Variants in PCDHAC2 observed in about 807,000 individuals in gnomAD.
The protein encoded by PCDHAC2 is protocadherin alpha-C2.
In PCDHAC2, 24 loss-of-function variants were observed where a neutral mutation model predicts 63.3. That is an observed-to-expected ratio of 0.38 (90% confidence interval 0.27 to 0.53). The LOEUF (loss-of-function observed/expected upper bound fraction) is 0.53. Among genes scored for constraint, PCDHAC2 ranks in the 20% least tolerant of loss-of-function variants. PCDHAC2 has a pLI of 0.81. For synonymous variants in PCDHAC2, 569 were observed against 529.4 expected (o/e 1.07, Z -1.03); for missense variants, 1,181 against 1,275.2 (o/e 0.93, Z 1.12).
intron 3 of PCDHAC2, among the ~76,000 whole-genome samples, chr5:140,989,624 G>C (rs527255277): frequency 6.6e-6 from 1 of 152,208 alleles, no homozygotes; most frequent in Non-Finnish European, 1.5e-5. Context: ...GTCTGTCCTA[G>C]TGACAGCAAG....
At position 141,011,769 on chromosome 5, in the gene PCDHAC2, A is replaced by C. The variant is rs2098421803; in HGVS notation, c.*1832A>C. 1 of 153,794 alleles carries C rather than the reference A, an allele frequency of 6.5e-6. No homozygotes were observed. The highest frequency in any genetic ancestry group is 1.5e-5 in the Non-Finnish European group (1 of 68,040). 9.5% of individuals were successfully genotyped at this position (153,794 alleles called of 1,614,324 possible). On this transcript the variant is annotated 3_prime_UTR_variant, in exon 4 of 4. Coordinates refer to ENST00000289269, the MANE Select transcript of PCDHAC2 (RefSeq NM_018899.6). ...AATCTGACCTCTTTGAAGTTGCAGA[A>C]TGCTTTGAAATTCTAATGGTATCTG... is the stretch of plus-strand genomic sequence containing the variant.
intron 1 of PCDHAC2, among the ~76,000 whole-genome samples, chr5:140,975,386 G>A (rs2096665314): frequency 6.6e-6 from 1 of 152,252 alleles, no homozygotes; most frequent in Admixed American, 6.5e-5. Flanking sequence ...ATGGGAATAA[G>A]ATCCATCACA....
In PCDHAC2 at chr5:140,966,581, G is replaced by A; in HGVS notation, c.-186G>A. 1.9e-6 allele frequency: 1 copy of A among 535,414 alleles called. No homozygotes were observed. The highest frequency in any genetic ancestry group is 3.0e-6 in the Non-Finnish European group (1 of 330,204). The allele number at this position is 535,414 out of a possible 1,614,324, so 33.2% of individuals were successfully genotyped here. On this transcript the variant is annotated 5_prime_UTR_variant, in exon 1 of 4. Coordinates refer to ENST00000289269, the MANE Select transcript of PCDHAC2 (RefSeq NM_018899.6). ...AGCTGGAATATGGGGAGTCAGCGAG[G>A]ACGGTGGGGCCAGGAGCCCTTGGGA...
chr5:140,968,904 G>A lies in PCDHAC2; in HGVS notation c.2138G>A (p.Ser713Asn), dbSNP rs1554231223. Residue 713 changes from serine to asparagine, a missense_variant, in exon 1 of 4, where the codon AGC (serine) becomes AAC (asparagine). Physicochemically the swap from Ser to Asn is conservative, Grantham distance 46. Transcript: ENST00000289269. ...EITLYLIIAL[S>N]TVSFIFLLTI... The stretch of plus-strand genomic sequence containing the variant: ...ACCCTTTATCTAATAATAGCATTAA[G>A]CACAGTGTCTTTTATATTTCTTTTG... The A allele has an allele frequency of 6.2e-7, 1 of 1,614,058 alleles. No individual in the cohort carries two copies. The highest frequency in any genetic ancestry group is 8.5e-7 in the Non-Finnish European group (1 of 1,180,032).
At chr5:140,990,705 G>A (rs2097408066) in intron 3 of PCDHAC2, among the ~76,000 whole-genome samples, 1 of 152,132 alleles carries the variant, frequency 6.6e-6, no homozygotes, top group Non-Finnish European at 1.5e-5. Flanking sequence ...AGATTTATGG[G>A]GATAAGAGCA....
chr5:140,996,737 T>G (rs887382236), intron 3 of PCDHAC2, among the ~76,000 whole-genome samples: 3 of 152,166 alleles, frequency 2.0e-5, no homozygotes, highest in Non-Finnish European at 2.9e-5. Context: ...ACAAAAGTCA[T>G]AACAAATTAT....
chr5:141,005,489 G>A (rs1336877426), intron 3 of PCDHAC2, among the ~76,000 whole-genome samples: 3 of 151,788 alleles, frequency 2.0e-5, no homozygotes, highest in Non-Finnish European at 4.4e-5. Context: ...GGATCATGAG[G>A]TCAGGAGATC....
chr5:140,979,405 C>A (rs2096849045), intron 2 of PCDHAC2, among the ~76,000 whole-genome samples: 1 of 151,828 alleles, frequency 6.6e-6, no homozygotes, highest in Non-Finnish European at 1.5e-5. Flanking sequence ...TGTTGTCTAC[C>A]TTGTTTTTTT....
At chr5:140,976,523 C>T in intron 1 of PCDHAC2, among the ~76,000 whole-genome samples, 1 of 151,724 alleles carries the variant, frequency 6.6e-6, no homozygotes. Flanking sequence ...TGCACACCAG[C>T]CTAAATGACA....
chr5:140,969,424 G>A (rs1554231783), intron 1 of PCDHAC2, 93 bp downstream of exon 1: 1 of 1,558,342 alleles, frequency 6.4e-7, no homozygotes, highest in South Asian at 1.2e-5. Context: ...GTCATTAACA[G>A]TGACAAGAGT....
intron 3 of PCDHAC2, among the ~76,000 whole-genome samples, chr5:140,987,154 C>T (rs1404083891): frequency 6.6e-6 from 1 of 150,704 alleles, no homozygotes; most frequent in Non-Finnish European, 1.5e-5. Flanking sequence ...GTGGAGGTTG[C>T]AGTGAGCTGA....
At chr5:141,007,395 C>CAAAAA (rs35800918) in intron 3 of PCDHAC2, among the ~76,000 whole-genome samples, 20 of 94,830 alleles carry the variant, frequency 2.1e-4, no homozygotes, top group South Asian at 3.5e-4. Context: ...TACTAAAATA[C>CAAAAA]AAAAAAAAAA....
chr5:140,969,585 T>A (rs2096344806), intron 1 of PCDHAC2: 1 of 896,450 alleles, frequency 1.1e-6, no homozygotes, highest in Admixed American at 3.0e-5. Flanking sequence ...TGAGGATTAG[T>A]CTTAATATTT....
Position 140,966,719 on chromosome 5 carries a change from G to A in PCDHAC2, c.-48G>A, listed in dbSNP as rs373995406. On this transcript the variant is annotated 5_prime_UTR_variant, in exon 1 of 4. Coordinates refer to ENST00000289269, the MANE Select transcript of PCDHAC2 (RefSeq NM_018899.6). ...CCGGGCGTGGGGCACGGCTGGGGAA[G>A]CTGCCGCCTCCGGCCCTGCCCGGCT... 7.2e-6 allele frequency: 10 copies of A among 1,395,512 alleles called. No individual in the cohort carries two copies. The East Asian group carries it at 1.1e-4, about 16-fold the overall frequency. 86.4% of individuals were successfully genotyped at this position (1,395,512 alleles called of 1,614,324 possible).
chr5:140,975,679 A>G (rs1312259048), intron 1 of PCDHAC2, among the ~76,000 whole-genome samples: 1 of 152,250 alleles, frequency 6.6e-6, no homozygotes, highest in Non-Finnish European at 1.5e-5. Context: ...TATTAATAAA[A>G]TAGGGTATTT....
intron 2 of PCDHAC2, among the ~76,000 whole-genome samples, chr5:140,980,491 G>A (rs917181390): frequency 2.6e-5 from 4 of 152,132 alleles, no homozygotes; most frequent in Non-Finnish European, 5.9e-5. Flanking sequence ...TTAGCTGGGC[G>A]TGATGGCATG....
In PCDHAC2 at chr5:140,990,740, G is replaced by C. The variant is rs76434886; in HGVS notation, c.2713+8177G>C. Among the ~76,000 whole-genome samples the C allele has an allele frequency of 8.5e-3, 1,294 of 152,288 alleles. 21 individuals carry two copies. Among genetic ancestry groups the C allele is most frequent in the African/African-American group, 0.029 (1,222 of 41,552 alleles). ...ATCACTAGGTATATCAACAGCCCTA[G>C]GGTGGATACCTTTGAGCCTGTAAAT... On this transcript the variant is annotated intron_variant, in intron 3 of 3. Coordinates refer to ENST00000289269, the MANE Select transcript of PCDHAC2 (RefSeq NM_018899.6).
intron 3 of PCDHAC2, among the ~76,000 whole-genome samples, chr5:140,984,053 TC>T (rs2097083610): frequency 6.6e-6 from 1 of 152,154 alleles, no homozygotes; most frequent in Non-Finnish European, 1.5e-5. Flanking sequence ...CATTGACAAA[TC>T]TGTACCCTCA....
intron 3 of PCDHAC2, among the ~76,000 whole-genome samples, chr5:141,001,535 G>A (rs2098024806): frequency 6.6e-6 from 1 of 152,182 alleles, no homozygotes; most frequent in South Asian, 2.1e-4. Flanking sequence ...TCTGATCCTG[G>A]ACAGGATTTG....
Sources: allele counts gnomAD v4.1 joint callset (sites outside exome capture counted in the v4.1 genomes callset), GRCh38; gene constraint gnomAD v4.1.1; transcripts MANE v1.5; gene names NCBI Gene and HGNC (gene_info 2026-07-23, HGNC 2026-07-21).